The following MAGI1 variants were observed in gnomAD, a reference collection of about 807,000 sequenced individuals.
MAGI1 encodes membrane associated guanylate kinase, WW and PDZ domain containing 1.
MAGI1 carries 58 observed loss-of-function variants against 139.9 expected under a neutral mutation model. The ratio of observed to expected loss-of-function variants is 0.41; its 90% confidence interval spans 0.34 to 0.52. The LOEUF (loss-of-function observed/expected upper bound fraction) is 0.52, where lower values mean the gene tolerates loss of function less well. MAGI1 is among the 20% of genes least tolerant of loss of function. The pLI is 0.12. For synonymous variants in MAGI1, 812 were observed against 737.9 expected, an observed-to-expected ratio of 1.10 and a Z score of -1.63; for missense variants, 1,874 against 1,901.6, an observed-to-expected ratio of 0.99 and a Z score of 0.27.
intron 3 of MAGI1, among the ~76,000 whole-genome samples, chr3:65,490,574 G>T (rs940244911): frequency 5.3e-5 from 8 of 152,150 alleles, no homozygotes; most frequent in Non-Finnish European, 7.4e-5. Flanking sequence ...GGCCAGGCTC[G>T]GTGGCTCACG....
At chr3:65,507,292 T>TC (rs779930914) in intron 2 of MAGI1, among the ~76,000 whole-genome samples, 2 of 152,226 alleles carry the variant, frequency 1.3e-5, no homozygotes, top group Admixed American at 6.5e-5. Context: ...CATGCTTTTT[T>TC]CCCTCATATT....
At chr3:65,921,309 ATT>A (rs71105951) in intron 1 of MAGI1, among the ~76,000 whole-genome samples, 54 of 143,512 alleles carry the variant, frequency 3.8e-4, no homozygotes, top group South Asian at 6.7e-4. Context: ...ATGACGTATA[ATT>A]TTTTTTTTTT....
chr3:65,529,774 T>C (rs1332425343), intron 2 of MAGI1, among the ~76,000 whole-genome samples: 2 of 152,202 alleles, frequency 1.3e-5, no homozygotes, highest in African/African-American at 2.4e-5. Context: ...AGATAATATA[T>C]GGATACAGAC....
chr3:66,018,681 C>A (rs899286537), intron 1 of MAGI1, among the ~76,000 whole-genome samples: 3 of 152,200 alleles, frequency 2.0e-5, no homozygotes, highest in African/African-American at 7.2e-5. Flanking sequence ...GGGCTGGTGA[C>A]CCTCTTTGCA....
chr3:65,361,706 T>C (rs921428806), intron 21 of MAGI1, among the ~76,000 whole-genome samples: 1 of 152,208 alleles, frequency 6.6e-6, no homozygotes, highest in African/African-American at 2.4e-5. Flanking sequence ...ATAAACAGAA[T>C]ATGGCAAACA....
At chr3:65,995,369 G>A (rs1017826363) in intron 1 of MAGI1, among the ~76,000 whole-genome samples, 5 of 152,154 alleles carry the variant, frequency 3.3e-5, no homozygotes, top group South Asian at 2.1e-4. Flanking sequence ...GGCTCACACC[G>A]TCCCAATGCA....
chr3:66,010,137 C>T (rs2067252621), intron 1 of MAGI1, among the ~76,000 whole-genome samples: 1 of 133,068 alleles, frequency 7.5e-6, no homozygotes. Context: ...ACAATAACGA[C>T]TAACATATAG....
chr3:65,622,616 T>G (rs1270640694), intron 1 of MAGI1, among the ~76,000 whole-genome samples: 2 of 152,068 alleles, frequency 1.3e-5, no homozygotes, highest in African/African-American at 2.4e-5. Flanking sequence ...CAGGCTGGAG[T>G]GCGATGGCGC....
chr3:65,742,931 C>A (rs2035398563), intron 1 of MAGI1, among the ~76,000 whole-genome samples: 1 of 152,062 alleles, frequency 6.6e-6, no homozygotes, highest in South Asian at 2.1e-4. Flanking sequence ...AACATCTGTC[C>A]ACATAAAAGT....
chr3:65,759,470 G>C (rs966498752), intron 1 of MAGI1, among the ~76,000 whole-genome samples: 1 of 152,170 alleles, frequency 6.6e-6, no homozygotes, highest in African/African-American at 2.4e-5. Context: ...GACAATGTGT[G>C]TCATTATACC....
intron 1 of MAGI1, among the ~76,000 whole-genome samples, chr3:66,015,823 A>T (rs1017815078): frequency 2.6e-5 from 4 of 151,972 alleles, no homozygotes; most frequent in Non-Finnish European, 5.9e-5. Context: ...CTCTCTTTCT[A>T]TCTGTACATC....
In MAGI1 at chr3:65,872,646, C is replaced by T. The variant is rs369198542; in HGVS notation, c.313+165350G>A. Among the ~76,000 whole-genome samples the T allele has an allele frequency of 4.1e-4, 63 of 152,158 alleles. No homozygotes were observed. The South Asian group carries it at 0.013, about 31-fold the overall frequency. The stretch of plus-strand genomic sequence containing the variant: ...AATAGAGCAGCTTTATTGAAAATAG[C>T]CCCAAACTACAAGCTACCCAGATGC... On this transcript the variant is annotated intron_variant, in intron 1 of 22. Coordinates refer to ENST00000402939, the MANE Select transcript of MAGI1 (RefSeq NM_001033057.2).
intron 12 of MAGI1, among the ~76,000 whole-genome samples, chr3:65,419,255 A>C (rs1453410260): frequency 2.0e-5 from 1 of 48,968 alleles, no homozygotes; most frequent in Non-Finnish European, 3.6e-5. Context: ...CAAGTGTATG[A>C]ATGTGTTACA....
intron 1 of MAGI1, among the ~76,000 whole-genome samples, chr3:65,788,963 C>T (rs962523105): frequency 2.6e-5 from 4 of 152,012 alleles, no homozygotes; most frequent in South Asian, 2.1e-4. Flanking sequence ...GAATCCGTTG[C>T]GGCCAGGAGT....
chr3:65,668,589 C>T (rs1189699471), intron 1 of MAGI1, among the ~76,000 whole-genome samples: 1 of 109,158 alleles, frequency 9.2e-6, no homozygotes, highest in Non-Finnish European at 1.7e-5. Context: ...TTTTTTGACA[C>T]GGAGTCTCAC....
In MAGI1 at chr3:65,453,148, T is replaced by C. The variant is rs79696207; in HGVS notation, c.1042+110A>G. On this transcript the variant is annotated intron_variant, in intron 6 of 22. Coordinates refer to ENST00000402939, the MANE Select transcript of MAGI1 (RefSeq NM_001033057.2). The stretch of plus-strand genomic sequence containing the variant: ...TCCATTTAGCAGAAATTGGATTACC[T>C]TTTAAAAACTCAACATAAGACCCGA... The C allele has an allele frequency of 3.3e-4, 299 of 906,906 alleles. 1 individual carries two copies. In the African/African-American group the frequency reaches 4.4e-3, roughly 13 times the overall value. The allele number at this position is 906,906 out of a possible 1,614,324, so 56.2% of individuals were successfully genotyped here.
chr3:65,652,656 C>T (rs763969060), intron 1 of MAGI1, among the ~76,000 whole-genome samples: 1 of 152,166 alleles, frequency 6.6e-6, no homozygotes, highest in Non-Finnish European at 1.5e-5. Context: ...CTAGGGATTT[C>T]GTGGTTTGCA....
intron 5 of MAGI1, among the ~76,000 whole-genome samples, chr3:65,456,617 G>T (rs1403385654): frequency 6.6e-6 from 1 of 152,004 alleles, no homozygotes; most frequent in African/African-American, 2.4e-5. Context: ...AAATTTTCTG[G>T]TTTTTTGGTT....
chr3:65,825,646 T>C (rs1294238270), intron 1 of MAGI1, among the ~76,000 whole-genome samples: 3 of 152,204 alleles, frequency 2.0e-5, no homozygotes, highest in Non-Finnish European at 4.4e-5. Context: ...CATAAAACTA[T>C]ATATTCATCA....
Sources: gnomAD v4.1 joint callset for allele counts (sites outside exome capture counted in the v4.1 genomes callset) on GRCh38, gnomAD v4.1.1 for gene constraint, MANE v1.5 for transcripts, NCBI Gene and HGNC (gene_info 2026-07-23, HGNC 2026-07-21) for gene names.